KSR2: variants seen among roughly 807,000 people sequenced by gnomAD.
KSR2 encodes the protein kinase suppressor of ras 2.
In KSR2, 25 loss-of-function variants were observed where a neutral mutation model predicts 107.8. That is an observed-to-expected ratio of 0.23 (90% CI 0.17 to 0.32). The LOEUF is 0.32. Among genes scored for constraint, KSR2 ranks in the 10% least tolerant of loss-of-function variants. The pLI is 1.00. For synonymous variants in KSR2, 480 were observed against 507.0 expected (o/e 0.95, Z 0.71); for missense variants, 887 against 1,268.9 (o/e 0.70, Z 4.57).
intron 7 of KSR2, among the ~76,000 whole-genome samples, chr12:117,566,037 G>A (rs942101420): frequency 6.6e-6 from 1 of 152,010 alleles, no homozygotes; most frequent in Non-Finnish European, 1.5e-5. Flanking sequence ...GTGCCACGGG[G>A]ATTTGTTGTA....
chr12:117,734,050 G>A (rs938025394), intron 4 of KSR2, among the ~76,000 whole-genome samples: 1 of 152,174 alleles, frequency 6.6e-6, no homozygotes, highest in African/African-American at 2.4e-5. Flanking sequence ...GGAGGCTGAG[G>A]CAGGCAGATC....
rs4766858 is a variant in KSR2, at chr12:117,541,296, C to G, written c.1519-1409G>C. 3.0e-4 allele frequency among the ~76,000 whole-genome samples: 40 copies of G among 132,782 alleles called. 1 individual carries two copies. Among genetic ancestry groups the G allele is most frequent in the Admixed American group, 3.7e-4 (5 of 13,610 alleles). 87.1% of individuals were successfully genotyped at this position (132,782 alleles called of 152,430 possible). On this transcript the variant is annotated intron_variant, in intron 9 of 19. Transcript: ENST00000339824. ...GAGGCATGGGAGGCAGGGAGGCAGG[C>G]AGGGAGGAACAGTAGCTGATGTGGA...
intron 6 of KSR2, among the ~76,000 whole-genome samples, chr12:117,580,902 A>G (rs1042088478): frequency 6.6e-6 from 1 of 151,750 alleles, no homozygotes; most frequent in Non-Finnish European, 1.5e-5. Flanking sequence ...GGCGTAGCCA[A>G]TCCAAGAATG....
intron 4 of KSR2, among the ~76,000 whole-genome samples, chr12:117,732,379 C>G (rs1887763532): frequency 6.6e-6 from 1 of 151,992 alleles, no homozygotes; most frequent in African/African-American, 2.4e-5. Flanking sequence ...ACCTCTGCCT[C>G]CTGGGTTCAA....
intron 3 of KSR2, among the ~76,000 whole-genome samples, chr12:117,805,181 C>T (rs2137033188): frequency 6.6e-6 from 1 of 152,360 alleles, no homozygotes; most frequent in East Asian, 1.9e-4. Flanking sequence ...AAGTCAACCA[C>T]AGCTCTTTTA....
intron 14 of KSR2, among the ~76,000 whole-genome samples, chr12:117,487,384 A>G (rs1872521589): frequency 6.6e-6 from 1 of 152,194 alleles, no homozygotes; most frequent in South Asian, 2.1e-4. Context: ...TGACTCACAG[A>G]AAGTCTGATT....
At position 117,761,189 on chromosome 12, in the gene KSR2, T is replaced by C. The variant is rs1888998443; in HGVS notation, c.808A>G (p.Thr270Ala). 6.3e-7 allele frequency: 1 copy of C among 1,591,690 alleles called. No individual in the cohort carries two copies. Among genetic ancestry groups the C allele is most frequent in the Non-Finnish European group, 8.6e-7 (1 of 1,168,146 alleles). The part of the protein sequence containing the change: ...TPPRTPNIVT[T>A]VTPPGTPPMR... The stretch of plus-strand genomic sequence containing the variant: ...GGCGGCGTGCCCGGCGGGGTCACGG[T>C]GGTGACGATGTTGGGGGTGCGCGGC... Residue 270 changes from threonine (T) to alanine (A), a missense_variant, in exon 4 of 20, where the codon ACC becomes GCC. Physicochemically the swap from Thr to Ala is moderately conservative, Grantham distance 58 (BLOSUM62 0). This residue lies in a region of KSR2 where 399 missense variants were observed against 479.5 expected (regional missense o/e 0.83). Transcript: ENST00000339824.
At chr12:117,691,255 A>T (rs1001150615) in intron 4 of KSR2, among the ~76,000 whole-genome samples, 1 of 152,188 alleles carries the variant, frequency 6.6e-6, no homozygotes, top group Non-Finnish European at 1.5e-5. Flanking sequence ...CGGGCATCCC[A>T]ACTGGTAGAC....
chr12:117,588,751 G>A (rs1288671874), intron 5 of KSR2, among the ~76,000 whole-genome samples: 1 of 152,222 alleles, frequency 6.6e-6, no homozygotes, highest in South Asian at 2.1e-4. Flanking sequence ...TGAGGTAGAT[G>A]TGGGATGTGA....
chr12:117,846,040 T>TAACAGCCTGCCCTTCCTAACA (rs1011517776), intron 3 of KSR2, among the ~76,000 whole-genome samples: 15 of 151,342 alleles, frequency 9.9e-5, no homozygotes, highest in Non-Finnish European at 1.9e-4. Context: ...CTGCCCTTCC[T>TAACAGCCTGCCCTTCCTAACA]AACAGCCTGC....
At chr12:117,608,857 G>A (rs1294282535) in intron 5 of KSR2, among the ~76,000 whole-genome samples, 1 of 152,136 alleles carries the variant, frequency 6.6e-6, no homozygotes, top group African/African-American at 2.4e-5. Context: ...CTCTGGGTGG[G>A]CTAATGAATA....
At chr12:117,703,039 T>A (rs1474909101) in intron 4 of KSR2, among the ~76,000 whole-genome samples, 1 of 152,084 alleles carries the variant, frequency 6.6e-6, no homozygotes, top group Non-Finnish European at 1.5e-5. Flanking sequence ...GACTCAGACT[T>A]ATCGACTCTT....
chr12:117,510,883 A>C (rs1347566160), intron 14 of KSR2, among the ~76,000 whole-genome samples: 1 of 151,614 alleles, frequency 6.6e-6, no homozygotes, highest in Non-Finnish European at 1.5e-5. Flanking sequence ...GTCTCAAAAA[A>C]AAAAAAAAAA....
chr12:117,521,184 A>T (rs1475614034), intron 14 of KSR2, among the ~76,000 whole-genome samples: 1 of 151,890 alleles, frequency 6.6e-6, no homozygotes, highest in African/African-American at 2.4e-5. Context: ...CATTTTTACA[A>T]CTTTCCTCTC....
chr12:117,855,382 G>A, intron 3 of KSR2, 46 bp downstream of exon 3: 1 of 1,611,778 alleles, frequency 6.2e-7, no homozygotes, highest in Non-Finnish European at 8.5e-7. Flanking sequence ...CGCGGCAGCT[G>A]TGCTGGGGAC....
intron 5 of KSR2, among the ~76,000 whole-genome samples, chr12:117,643,378 C>T (rs1385793541): frequency 1.3e-5 from 2 of 152,060 alleles, no homozygotes; most frequent in African/African-American, 2.4e-5. Context: ...ATCTGGGAAG[C>T]GGAGGCTGCA....
chr12:117,718,768 G>A (rs12297629), intron 4 of KSR2, among the ~76,000 whole-genome samples: 2,097 of 152,224 alleles, frequency 0.014, 47 homozygotes, highest in African/African-American at 0.048. Context: ...TAGCCTCTTC[G>A]GCATAGGGCT....
chr12:117,697,092 A>T (rs1301449911), intron 4 of KSR2, among the ~76,000 whole-genome samples: 1 of 152,158 alleles, frequency 6.6e-6, no homozygotes, highest in Non-Finnish European at 1.5e-5. Context: ...CTTCTTTGAA[A>T]AGCACCCAGC....
chr12:117,861,508 C>T (rs573274487), intron 1 of KSR2, among the ~76,000 whole-genome samples: 12 of 151,248 alleles, frequency 7.9e-5, no homozygotes, highest in Admixed American at 1.3e-4. Flanking sequence ...CCTGCCTCAG[C>T]CTCCCGAGTA....
Sources: gnomAD v4.1 joint callset for allele counts (sites outside exome capture counted in the v4.1 genomes callset) on GRCh38, gnomAD v4.1.1 for gene constraint, gnomAD v4.1.1 regional missense constraint, MANE v1.5 for transcripts, NCBI Gene and HGNC (gene_info 2026-07-23, HGNC 2026-07-21) for gene names.